CNTN4: variants seen among roughly 807,000 people sequenced by gnomAD.
CNTN4 encodes the protein contactin 4, also known as contactin-4.
A neutral mutation model predicts 122.5 loss-of-function variants in CNTN4; 77 were observed. The observed-to-expected ratio is 0.63, with a 90% CI of 0.52 to 0.76. The LOEUF (loss-of-function observed/expected upper bound fraction) is 0.76. Among genes scored for constraint, CNTN4 ranks in the 30% least tolerant of loss-of-function variants. CNTN4 has a pLI of 0.00. For synonymous variants in CNTN4, 512 were observed against 447.0 expected, an observed-to-expected ratio of 1.15 and a Z score of -1.83; for missense variants, 1,256 against 1,259.1, an observed-to-expected ratio of 1.00 and a Z score of 0.04.
chr3:3,014,526 AG>A (rs144965714), intron 14 of CNTN4, among the ~76,000 whole-genome samples: 9,893 of 152,160 alleles, frequency 0.065, 459 homozygotes, highest in Non-Finnish European at 0.088. Context: ...GCTCCACAAA[AG>A]ACTGCCTTTT....
chr3:2,964,127 T>G (rs183008032), intron 13 of CNTN4, among the ~76,000 whole-genome samples: 101 of 152,318 alleles, frequency 6.6e-4, no homozygotes, highest in Non-Finnish European at 1.1e-3. Context: ...GACATTTATA[T>G]TTCAGGGATA....
At chr3:3,008,896 G>A in intron 14 of CNTN4, 19 of 966,710 alleles carry the variant, frequency 2.0e-5, no homozygotes, top group Non-Finnish European at 2.3e-5. Flanking sequence ...GCATTCTAGG[G>A]CAAACCACCA....
intron 2 of CNTN4, among the ~76,000 whole-genome samples, chr3:2,131,076 A>T (rs984253505): frequency 3.9e-5 from 6 of 152,332 alleles, no homozygotes; most frequent in Non-Finnish European, 1.5e-5. Flanking sequence ...TGTTTATTCC[A>T]AGCCAGACAT....
chr3:2,121,710 GAGAA>G (rs1182983388), intron 2 of CNTN4, among the ~76,000 whole-genome samples: 2 of 152,130 alleles, frequency 1.3e-5, no homozygotes, highest in Non-Finnish European at 2.9e-5. Context: ...TTGAAATGAA[GAGAA>G]AGAGTTAAAG....
chr3:2,230,841 G>A (rs1475299044), intron 2 of CNTN4, among the ~76,000 whole-genome samples: 1 of 151,808 alleles, frequency 6.6e-6, no homozygotes, highest in African/African-American at 2.4e-5. Context: ...ACCAAAATTG[G>A]CTTGAGCATG....
intron 4 of CNTN4, among the ~76,000 whole-genome samples, chr3:2,591,274 G>T (rs2080459424): frequency 6.6e-6 from 1 of 150,984 alleles, no homozygotes; most frequent in Non-Finnish European, 1.5e-5. Context: ...AGCTGATAAA[G>T]TCCCTTAAAG....
chr3:2,347,410 C>CTTT (rs10664705), intron 3 of CNTN4, among the ~76,000 whole-genome samples: 16,260 of 113,030 alleles, frequency 0.14, 1,872 homozygotes, highest in Non-Finnish European at 0.17. Context: ...GAAATACAAT[C>CTTT]TTTTTTTTTT....
intron 7 of CNTN4, among the ~76,000 whole-genome samples, chr3:2,832,578 G>C (rs72622143): frequency 0.075 from 11,365 of 152,200 alleles, 945 homozygotes; most frequent in East Asian, 0.43. Context: ...ATTATAGACA[G>C]AACAGCTGTA....
chr3:2,872,918 C>A (rs890950301), intron 8 of CNTN4, among the ~76,000 whole-genome samples: 33 of 152,078 alleles, frequency 2.2e-4, no homozygotes, highest in Non-Finnish European at 4.4e-4. Context: ...CATGTTTTCC[C>A]AAGTCCTCAC....
chr3:2,868,736 T>A (rs567153119), intron 8 of CNTN4, among the ~76,000 whole-genome samples: 81 of 152,270 alleles, frequency 5.3e-4, no homozygotes, highest in Non-Finnish European at 4.4e-5. Context: ...GCTCTTGCAT[T>A]CTCCTGGGGG....
intron 13 of CNTN4, among the ~76,000 whole-genome samples, chr3:2,942,582 C>T (rs746121857): frequency 6.6e-6 from 1 of 152,148 alleles, no homozygotes; most frequent in African/African-American, 2.4e-5. Flanking sequence ...AAATTAACTT[C>T]TGTGAGGTAG....
chr3:2,653,759 T>C (rs1021485687), intron 4 of CNTN4, among the ~76,000 whole-genome samples: 9 of 152,232 alleles, frequency 5.9e-5, no homozygotes, highest in African/African-American at 1.7e-4. Context: ...TTTTCTTCAG[T>C]GACTACTCAA....
intron 14 of CNTN4, among the ~76,000 whole-genome samples, chr3:3,013,553 C>T (rs748115701): frequency 6.6e-5 from 10 of 152,026 alleles, no homozygotes; most frequent in Admixed American, 2.0e-4. Flanking sequence ...TCCTATTGAC[C>T]GCCAGGGTGC....
chr3:2,635,239 A>G (rs868763459), intron 4 of CNTN4, among the ~76,000 whole-genome samples: 1 of 152,180 alleles, frequency 6.6e-6, no homozygotes. Context: ...TGATGGGTCA[A>G]TCTGACAATC....
At chr3:2,818,830 T>G (rs142147223) in intron 6 of CNTN4, among the ~76,000 whole-genome samples, 1 of 152,214 alleles carries the variant, frequency 6.6e-6, no homozygotes, top group South Asian at 2.1e-4. Flanking sequence ...TATTTCAAAC[T>G]ACACCACAAG....
At chr3:2,872,984 A>C (rs1054355743) in intron 8 of CNTN4, among the ~76,000 whole-genome samples, 1 of 152,216 alleles carries the variant, frequency 6.6e-6, no homozygotes, top group African/African-American at 2.4e-5. Context: ...GCAGCATTGA[A>C]GTATTTAATC....
In CNTN4 at chr3:2,287,685, GAA is replaced by G. The variant is rs1559415634; in HGVS notation, c.-144-51492_-144-51491del. On this transcript the variant is annotated intron_variant, in intron 2 of 24. Transcript: ENST00000418658. ...AGAAGAAGAAGAAGAAGAAGAAGAAGAAGAAGAGGAAGAAGAAGAAGAAGAGG... is the reference window on the plus strand; with the variant it reads ...AGAAGAAGAAGAAGAAGAAGAAGAAGGAAGAGGAAGAAGAAGAAGAAGAGG... Among the ~76,000 whole-genome samples, 277 of 90,082 alleles carry G rather than the reference GAA, an allele frequency of 3.1e-3. 8 individuals are homozygous for G. The highest frequency in any genetic ancestry group is 9.0e-3 in the East Asian group (31 of 3,434). The allele number at this position is 90,082 out of a possible 152,430, so 59.1% of individuals were successfully genotyped here.
chr3:2,509,974 G>A (rs1235578858), intron 3 of CNTN4, among the ~76,000 whole-genome samples: 1 of 152,154 alleles, frequency 6.6e-6, no homozygotes, highest in African/African-American at 2.4e-5. Context: ...TTACTATCAG[G>A]TAGACACAGT....
chr3:2,390,478 A>G (rs897289180), intron 3 of CNTN4, among the ~76,000 whole-genome samples: 5 of 152,150 alleles, frequency 3.3e-5, no homozygotes, highest in Non-Finnish European at 5.9e-5. Flanking sequence ...TGTACATTCA[A>G]TGTGCTTACT....
Sources: gnomAD v4.1 joint callset for allele counts (sites outside exome capture counted in the v4.1 genomes callset) on GRCh38, gnomAD v4.1.1 for gene constraint, MANE v1.5 for transcripts, NCBI Gene and HGNC (gene_info 2026-07-23, HGNC 2026-07-21) for gene names.